HHIPL1: variants seen among roughly 807,000 people sequenced by gnomAD.
The protein encoded by HHIPL1 is HHIP like 1.
HHIPL1 carries 43 observed loss-of-function variants against 61.8 expected under a neutral mutation model. The ratio of observed to expected loss-of-function variants is 0.70; its 90% confidence interval spans 0.55 to 0.90. The LOEUF is 0.90. Among genes scored for constraint, HHIPL1 ranks in the 40% least tolerant of loss-of-function variants. The pLI is 0.00. For missense variants in HHIPL1, 1,056 were observed against 1,157.7 expected, an observed-to-expected ratio of 0.91 and a Z score of 1.28; for synonymous variants, 482 against 515.8, an observed-to-expected ratio of 0.93 and a Z score of 0.89.
At chr14:99,657,199 A>T (rs2056063091) in intron 3 of HHIPL1, 56 bp downstream of exon 3, 1 of 1,583,232 alleles carries the variant, frequency 6.3e-7, no homozygotes, top group South Asian at 1.1e-5. Context: ...TGGGCTTCTC[A>T]TACTCTTCCA....
chr14:99,675,208 C>T lies in HHIPL1; in HGVS notation c.1931C>T (p.Pro644Leu). The T allele has an allele frequency of 8.5e-7, 1 of 1,176,274 alleles. No homozygotes were observed. Among genetic ancestry groups the T allele is most frequent in the Non-Finnish European group, 1.1e-6 (1 of 948,352 alleles). 72.9% of individuals were successfully genotyped at this position (1,176,274 alleles called of 1,614,324 possible). ...GCGCCAACCCCGCGGCCAGCGCGGC[C>T]CACCCAGCAGCCAGGGAGCCGGAGG... Reference protein sequence around the residue: ...PPAPTPRPARPTQQPGSRRGG... With the variant: ...PPAPTPRPARLTQQPGSRRGG... The change falls in exon 9 of 9, where the codon CCC becomes CTC. Residue 644 changes from proline to leucine, a missense_variant. Pro to Leu is a moderately conservative substitution (Grantham distance 98). Transcript: ENST00000330710. The surrounding 1 kb of genome is among the most constrained non-coding windows in gnomAD (Gnocchi z 5.4).
chr14:99,651,768 C>T (rs970004124), intron 1 of HHIPL1, among the ~76,000 whole-genome samples: 4 of 152,098 alleles, frequency 2.6e-5, no homozygotes, highest in Non-Finnish European at 5.9e-5. Flanking sequence ...GAGAGCACTT[C>T]GTGTTTTACT....
chr14:99,633,123 A>G, the HHIPL1 span, among the ~76,000 whole-genome samples: 2 of 152,100 alleles, frequency 1.3e-5, no homozygotes, highest in Non-Finnish European at 2.9e-5. Context: ...CATACTGGGG[A>G]AGGCAGCTGC....
In HHIPL1 at chr14:99,645,584, C is replaced by T. The variant is rs1047472029; in HGVS notation, c.255+122C>T. ...CGGCGGACTCGGGAACTCTAAGCCC[C>T]AACAGGGAGTCATTTGGCACGGGGC... On this transcript the variant is annotated intron_variant, in intron 1 of 8. Transcript: ENST00000330710. 54 of 1,051,526 alleles carry T rather than the reference C, an allele frequency of 5.1e-5. No individual in the cohort carries two copies. In the African/African-American group the frequency reaches 8.3e-4, roughly 16 times the overall value. 65.1% of individuals were successfully genotyped at this position (1,051,526 alleles called of 1,614,324 possible). A position where few individuals can be genotyped will look rare whatever the true frequency, so the allele number is the denominator to read the frequency against.
intron 4 of HHIPL1, 96 bp downstream of exon 4, chr14:99,659,852 C>CCCA: frequency 1.8e-6 from 1 of 561,464 alleles, no homozygotes; most frequent in Non-Finnish European, 2.7e-6. Context: ...CCGCACCCCC[C>CCCA]CCCCCCCGGA....
rs918998336 is a variant in HHIPL1, at chr14:99,678,588, T to G, written c.*2962T>G. ...AAACCCGATTGGCTGTTTAAAATTT[T>G]TCTAAATAGGTAAAAGTAATGGAAG... On this transcript the variant is annotated 3_prime_UTR_variant, in exon 9 of 9. Coordinates refer to ENST00000330710, the MANE Select transcript of HHIPL1 (RefSeq NM_001127258.3). 2.0e-5 allele frequency: 3 copies of G among 152,220 alleles called. No individual in the cohort carries two copies. Among genetic ancestry groups the G allele is most frequent in the Non-Finnish European group, 4.4e-5 (3 of 68,046 alleles). 9.4% of individuals were successfully genotyped at this position (152,220 alleles called of 1,614,324 possible).
chr14:99,618,899 C>T, the HHIPL1 span, among the ~76,000 whole-genome samples: 5 of 152,226 alleles, frequency 3.3e-5, no homozygotes, highest in Non-Finnish European at 7.3e-5. Flanking sequence ...GAGCCCAGAG[C>T]AGGGCCTGGC....
rs1205044397 is a variant in HHIPL1 at position 99,645,379 on chromosome 14, C to T, written c.172C>T (p.Arg58Cys). The stretch of plus-strand genomic sequence containing the variant: ...TGAGGGGCGCGACGCCGAGCTGACC[C>T]GCCGCTTCTGGGCCCTGGCGAGCCG... Reference protein sequence around the residue: ...CDEGRDAELTRRFWALASRVD... With the variant: ...CDEGRDAELTCRFWALASRVD... Residue 58 changes from arginine (R) to cysteine (C), a missense_variant, in exon 1 of 9, where the codon CGC becomes TGC. Coordinates refer to ENST00000330710, the MANE Select transcript of HHIPL1 (RefSeq NM_001127258.3). 4.2e-6 allele frequency: 6 copies of T among 1,445,578 alleles called. No individual in the cohort carries two copies. The African/African-American group carries it at 7.4e-5, about 18-fold the overall frequency. The allele number at this position is 1,445,578 out of a possible 1,614,324, so 89.5% of individuals were successfully genotyped here. A position where few individuals can be genotyped will look rare whatever the true frequency, so the allele number is the denominator to read the frequency against.
At chr14:99,622,643 C>T in the HHIPL1 span, among the ~76,000 whole-genome samples, 74,142 of 152,064 alleles carry the variant, frequency 0.49, 19,274 homozygotes, top group South Asian at 0.67. Flanking sequence ...ACTGTGCTGG[C>T]CGTGTCTGCC....
At position 99,660,460 on chromosome 14, in the gene HHIPL1, C is replaced by T. The variant is rs1017541421; in HGVS notation, c.1502+54C>T. 3.6e-5 allele frequency: 57 copies of T among 1,577,156 alleles called. No individual in the cohort carries two copies. Among genetic ancestry groups the T allele is most frequent in the Admixed American group, 1.0e-4 (6 of 57,910 alleles). ...GGCTGCTGCCACTGGCTCCTTGGGA[C>T]TGGCTCCTTGGTAAAGGGGAGTGTA... On this transcript the variant is annotated intron_variant, in intron 5 of 8. Transcript: ENST00000330710. The surrounding 1 kb of genome is among the most constrained non-coding windows in gnomAD (Gnocchi z 4.9).
At position 99,668,804 on chromosome 14, in the gene HHIPL1, G is replaced by A. The variant is rs372028425; in HGVS notation, c.1730+501G>A. 29 of 1,611,284 alleles carry A rather than the reference G, an allele frequency of 1.8e-5. No individual in the cohort carries two copies. Among genetic ancestry groups the A allele is most frequent in the Admixed American group, 6.7e-5 (4 of 59,968 alleles). On this transcript the variant is annotated intron_variant, in intron 7 of 8. Transcript: ENST00000330710. The surrounding 1 kb of genome is among the most constrained non-coding windows in gnomAD (Gnocchi z 4.7). Reference sequence around the variant, plus strand: ...AAAACACATTGGGGCTCCCTTCGCCGGCTCCATCTCCCCGGCTTCCCTTCT... The same window carrying A: ...AAAACACATTGGGGCTCCCTTCGCCAGCTCCATCTCCCCGGCTTCCCTTCT...
At chr14:99,612,373 A>G in the HHIPL1 span, among the ~76,000 whole-genome samples, 2 of 152,222 alleles carry the variant, frequency 1.3e-5, no homozygotes, top group Non-Finnish European at 2.9e-5. Flanking sequence ...CTCAGAGCAC[A>G]AGAGAAGCCC....
Position 99,676,365 on chromosome 14 carries a change from G to A in HHIPL1, c.*739G>A, listed in dbSNP as rs2056392729. 6.6e-6 allele frequency: 1 copy of A among 152,386 alleles called. No individual in the cohort carries two copies. The highest frequency in any genetic ancestry group is 2.1e-4 in the South Asian group (1 of 4,836). 9.4% of individuals were successfully genotyped at this position (152,386 alleles called of 1,614,324 possible). On this transcript the variant is annotated 3_prime_UTR_variant, in exon 9 of 9. Coordinates refer to ENST00000330710, the MANE Select transcript of HHIPL1 (RefSeq NM_001127258.3). ...TACTCAGTCCTTGTGGGTGCTCCTG[G>A]GATGGGACCAGCCTCCTCCAACCCT...
At chr14:99,626,691 T>G in the HHIPL1 span, among the ~76,000 whole-genome samples, 1 of 152,244 alleles carries the variant, frequency 6.6e-6, no homozygotes, top group Non-Finnish European at 1.5e-5. Flanking sequence ...CCTGGGGATC[T>G]GGGCATGGCC....
At chr14:99,661,416 A>AG (rs2056150603) in intron 5 of HHIPL1, among the ~76,000 whole-genome samples, 1 of 146,730 alleles carries the variant, frequency 6.8e-6, no homozygotes, top group African/African-American at 2.6e-5. Context: ...AGAGAGAGAG[A>AG]GAAAAGAAGG....
At chr14:99,641,320 C>A (rs1402124628), upstream of HHIPL1, among the ~76,000 whole-genome samples, 1 of 152,078 alleles carries the variant, frequency 6.6e-6, no homozygotes, top group Non-Finnish European at 1.5e-5. Flanking sequence ...TGGATCTAGA[C>A]TTCTAGGTTG....
rs773224024 is a variant in HHIPL1, at chr14:99,660,253, G to A, written c.1376-27G>A. The A allele has an allele frequency of 2.5e-6, 4 of 1,612,286 alleles. No individual in the cohort carries two copies. Among genetic ancestry groups the A allele is most frequent in the Middle Eastern group, 1.7e-4 (1 of 5,904 alleles). On this transcript the variant is annotated intron_variant, in intron 4 of 8. Coordinates refer to ENST00000330710, the MANE Select transcript of HHIPL1 (RefSeq NM_001127258.3). The surrounding 1 kb of genome is among the most constrained non-coding windows in gnomAD (Gnocchi z 4.9). ...TGAACCTTCCCGCCGCTGGCTCACC[G>A]AAGCTTCTCTCCCTCCCACCCCGCA...
chr14:99,657,202 C>G, intron 3 of HHIPL1, 59 bp downstream of exon 3: 1 of 1,577,926 alleles, frequency 6.3e-7, no homozygotes, highest in Non-Finnish European at 8.7e-7. Flanking sequence ...GCTTCTCATA[C>G]TCTTCCAGAG....
Position 99,652,273 on chromosome 14 carries a change from C to T in HHIPL1, c.305C>T (p.Thr102Met), listed in dbSNP as rs146699172. ...AHLYDAEDPFTPLRTVPGLCQ... is the reference protein window; with the variant it reads ...AHLYDAEDPFMPLRTVPGLCQ... Reference sequence around the variant, plus strand: ...CTCTATGACGCCGAGGACCCATTCACGCCCCTGCGCACGGTGCCCGGGCTC... The same window carrying T: ...CTCTATGACGCCGAGGACCCATTCATGCCCCTGCGCACGGTGCCCGGGCTC... Residue 102 changes from threonine to methionine, a missense_variant, in exon 2 of 9, where the codon ACG becomes ATG. Transcript: ENST00000330710. The T allele has an allele frequency of 9.9e-6, 16 of 1,613,372 alleles. No individual in the cohort carries two copies. The highest frequency in any genetic ancestry group is 2.2e-5 in the East Asian group (1 of 44,890).
Sources: gnomAD v4.1 joint callset for allele counts (sites outside exome capture counted in the v4.1 genomes callset) on GRCh38, gnomAD v4.1.1 for gene constraint, Gnocchi (gnomAD v3.1) non-coding constraint, MANE v1.5 for transcripts, NCBI Gene and HGNC (gene_info 2026-07-23, HGNC 2026-07-21) for gene names.